ZNF74: variants seen among roughly 807,000 people sequenced by gnomAD.
ZNF74 encodes the protein zinc finger protein 520.
A neutral mutation model predicts 17.7 loss-of-function variants in ZNF74; 12 were observed. That is an observed-to-expected ratio of 0.68 (90% CI 0.43 to 1.10). The LOEUF (loss-of-function observed/expected upper bound fraction) is 1.10, where lower values mean the gene tolerates loss of function less well. Among genes scored for constraint, ZNF74 ranks in the 50% least tolerant of loss-of-function variants. ZNF74 has a pLI of 0.00. For synonymous variants in ZNF74, 358 were observed against 362.1 expected (o/e 0.99, Z 0.13); for missense variants, 811 against 881.0 (o/e 0.92, Z 1.01).
chr22:20,401,257 C>T lies in ZNF74; in HGVS notation c.248-20C>T, dbSNP rs766720339. 4.4e-6 allele frequency: 7 copies of T among 1,580,406 alleles called. No homozygotes were observed. Among genetic ancestry groups the T allele is most frequent in the Non-Finnish European group, 8.7e-7 (1 of 1,153,954 alleles). On this transcript the variant is annotated intron_variant, in intron 3 of 4. Coordinates refer to ENST00000400451, the MANE Select transcript of ZNF74 (RefSeq NM_003426.4). This position sits in a 1 kb window ranked among gnomAD's most constrained non-coding sequence, Gnocchi z 4.2. ...CTGGAGAGCTGCAGCATGCCCAGCC[C>T]ACTTTCTCTCCACGAGCAGGACCTC...
intron 1 of ZNF74, 121 bp from the exon 2 acceptor site, chr22:20,395,212 C>A: frequency 1.5e-6 from 1 of 683,416 alleles, no homozygotes; most frequent in Non-Finnish European, 2.6e-6. Flanking sequence ...GCTCGTTCCC[C>A]ACCTGGCCTT....
intron 2 of ZNF74, 129 bp downstream of exon 2, chr22:20,395,547 A>C (rs972930620): frequency 3.2e-6 from 2 of 631,350 alleles, no homozygotes; most frequent in Non-Finnish European, 5.6e-6. Flanking sequence ...AGCTCTGGGC[A>C]GTGGGAACAG....
Position 20,406,917 on chromosome 22 carries a change from TC to T in ZNF74, c.1890del (p.Arg631GlufsTer84). On this transcript the variant is annotated frameshift_variant, in exon 5 of 5. Transcript: ENST00000400451. LOFTEE classifies it low-confidence loss of function (END_TRUNC). ...ATGTGGCAAAGCTCTTGTGCGTGGT[TC>T]CCCCCAGAGCTGGCAGGAATTTCTC... is the stretch of plus-strand genomic sequence containing the variant. ...LDVAKLLCVV[P>X]PRAGRNFSLG... 2.5e-6 allele frequency: 4 copies of T among 1,613,802 alleles called. No individual in the cohort carries two copies. Among genetic ancestry groups the T allele is most frequent in the Non-Finnish European group, 3.4e-6 (4 of 1,179,974 alleles).
At chr22:20,399,642 C>T (rs1242918395) in intron 2 of ZNF74, 3 of 365,144 alleles carry the variant, frequency 8.2e-6, no homozygotes, top group South Asian at 6.0e-5. Flanking sequence ...GCAATCTTGG[C>T]TCACTGCAAC....
At position 20,401,486 on chromosome 22, in the gene ZNF74, G is replaced by A; in HGVS notation, c.343+114G>A. On this transcript the variant is annotated intron_variant, in intron 4 of 4. Coordinates refer to ENST00000400451, the MANE Select transcript of ZNF74 (RefSeq NM_003426.4). This position sits in a 1 kb window ranked among gnomAD's most constrained non-coding sequence, Gnocchi z 4.2. ...CCCCGGCTCCATCTCCCCTTTTCAG[G>A]TCCCCCGCCAGACCCTCCTGCCTGC... The A allele has an allele frequency of 1.4e-6, 1 of 702,050 alleles. No individual in the cohort carries two copies. Among genetic ancestry groups the A allele is most frequent in the Admixed American group, 2.4e-5 (1 of 41,504 alleles). The allele number at this position is 702,050 out of a possible 1,614,324, so 43.5% of individuals were successfully genotyped here.
Position 20,394,421 on chromosome 22 carries a change from C to A in ZNF74, c.-208C>A. ...TGAGCCTGGTGTGGGGAGTGGGTAT[C>A]TGCGGAGCCGGCCTGAACCCCACCT... On this transcript the variant is annotated 5_prime_UTR_variant, in exon 1 of 5. In the 5' UTR this introduces an upstream ATG that the reference lacks. Coordinates refer to ENST00000400451, the MANE Select transcript of ZNF74 (RefSeq NM_003426.4). 1 of 635,808 alleles carries A rather than the reference C, an allele frequency of 1.6e-6. No individual in the cohort carries two copies. Among genetic ancestry groups the A allele is most frequent in the South Asian group, 1.7e-5 (1 of 57,566 alleles). The allele number at this position is 635,808 out of a possible 1,614,324, so 39.4% of individuals were successfully genotyped here. A position where few individuals can be genotyped will look rare whatever the true frequency, so the allele number is the denominator to read the frequency against.
At chr22:20,400,203 T>G (rs2052341636) in intron 2 of ZNF74, 1 of 178,536 alleles carries the variant, frequency 5.6e-6, no homozygotes, top group Non-Finnish European at 1.2e-5. Flanking sequence ...TGGGATCGGA[T>G]CCTTTTGCGT....
At chr22:20,394,846 TG>T (rs2052274467) in intron 1 of ZNF74, 184 bp downstream of exon 1, 2 of 597,696 alleles carry the variant, frequency 3.3e-6, no homozygotes, top group African/African-American at 3.8e-5. Flanking sequence ...CTGCAACCTC[TG>T]CTTCCCGGGT....
chr22:20,400,857 A>G (rs2052349661), intron 3 of ZNF74, 99 bp downstream of exon 3: 2 of 1,429,126 alleles, frequency 1.4e-6, no homozygotes, highest in East Asian at 4.6e-5. Context: ...CTGGTGCCAG[A>G]TATATCATGG....
Position 20,400,714 on chromosome 22 carries a change from AC to A in ZNF74, c.205del (p.Arg69GlyfsTer3). Reference protein sequence around the residue: ...GQLDSPQRALYRDVMLENYQN... With the variant: ...GQLDSPQRALXRDVMLENYQN... The stretch of plus-strand genomic sequence containing the variant: ...CTAGACTCCCCTCAGAGGGCCTTGT[AC>A]CGGGATGTGATGTTGGAGAACTACC... On this transcript the variant is annotated frameshift_variant, in exon 3 of 5. Coordinates refer to ENST00000400451, the MANE Select transcript of ZNF74 (RefSeq NM_003426.4). LOFTEE classifies it high-confidence loss of function. The A allele has an allele frequency of 6.2e-7, 1 of 1,614,120 alleles. No individual in the cohort carries two copies. The highest frequency in any genetic ancestry group is 8.5e-7 in the Non-Finnish European group (1 of 1,180,016).
chr22:20,400,190 G>C (rs1463122435), intron 2 of ZNF74: 1 of 177,640 alleles, frequency 5.6e-6, no homozygotes. Context: ...ACAGTTTCTA[G>C]TCTGGGATCG....
At chr22:20,395,240 CCT>C in intron 1 of ZNF74, 91 bp from the exon 2 acceptor site, 2 of 943,036 alleles carry the variant, frequency 2.1e-6, no homozygotes, top group South Asian at 1.6e-5. Context: ...GGTTCTGCCT[CCT>C]CTCTGATTCT....
chr22:20,402,801 CA>C (rs361884), intron 4 of ZNF74, among the ~76,000 whole-genome samples: 35,004 of 107,016 alleles, frequency 0.33, 5,221 homozygotes, highest in Middle Eastern at 0.45. Flanking sequence ...AATTCCATCT[CA>C]AAAAAAAAAA....
Position 20,407,042 on chromosome 22 carries a change from C to T in ZNF74, c.*74C>T. ...GAAAGCACCCTGGTCCTCCCTGGCT[C>T]CTAGATCCAGACCACCTTCCTCCAG... is the stretch of plus-strand genomic sequence containing the variant. On this transcript the variant is annotated 3_prime_UTR_variant, in exon 5 of 5. Coordinates refer to ENST00000400451, the MANE Select transcript of ZNF74 (RefSeq NM_003426.4). The T allele has an allele frequency of 6.7e-7, 1 of 1,493,020 alleles. No individual in the cohort carries two copies. The highest frequency in any genetic ancestry group is 8.9e-7 in the Non-Finnish European group (1 of 1,121,430). 92.5% of individuals were successfully genotyped at this position (1,493,020 alleles called of 1,614,324 possible).
At chr22:20,396,167 T>TG (rs1491122799) in intron 2 of ZNF74, among the ~76,000 whole-genome samples, 2 of 148,450 alleles carry the variant, frequency 1.3e-5, no homozygotes, top group African/African-American at 5.0e-5. Flanking sequence ...TTTGGGTTTT[T>TG]GTTTTTTTTT....
rs1200509033 is a variant in ZNF74 at position 20,407,700 on chromosome 22, T to C, written c.*732T>C. ...ACTAGCATCACTTTCCAGTGAACATTATTATATTGCTAGAGAGGAGAATAA... is the reference window on the plus strand; with the variant it reads ...ACTAGCATCACTTTCCAGTGAACATCATTATATTGCTAGAGAGGAGAATAA... On this transcript the variant is annotated 3_prime_UTR_variant, in exon 5 of 5. Transcript: ENST00000400451. 6.6e-6 allele frequency: 1 copy of C among 152,244 alleles called. No individual in the cohort carries two copies. Among genetic ancestry groups the C allele is most frequent in the Non-Finnish European group, 1.5e-5 (1 of 68,046 alleles). The allele number at this position is 152,244 out of a possible 1,614,324, so 9.4% of individuals were successfully genotyped here.
At chr22:20,397,111 C>T (rs999430149) in intron 2 of ZNF74, among the ~76,000 whole-genome samples, 2 of 150,260 alleles carry the variant, frequency 1.3e-5, no homozygotes, top group South Asian at 4.2e-4. Context: ...GAGTCTTGCT[C>T]TGTCGCCCAG....
chr22:20,400,528 C>T (rs1471029631), intron 2 of ZNF74, 104 bp from the exon 3 acceptor site: 1 of 1,439,874 alleles, frequency 6.9e-7, no homozygotes, highest in African/African-American at 1.4e-5. Context: ...GAGAAGGTCA[C>T]CTGAGGTTAA....
intron 2 of ZNF74, among the ~76,000 whole-genome samples, chr22:20,396,340 A>G (rs1462484043): frequency 6.6e-6 from 1 of 152,082 alleles, no homozygotes; most frequent in African/African-American, 2.4e-5. Context: ...AATGCAATGC[A>G]TGTTCCTTGC....
Sources: gnomAD v4.1 joint callset for allele counts (sites outside exome capture counted in the v4.1 genomes callset) on GRCh38, gnomAD v4.1.1 for gene constraint, Gnocchi (gnomAD v3.1) non-coding constraint, MANE v1.5 for transcripts, NCBI Gene and HGNC (gene_info 2026-07-23, HGNC 2026-07-21) for gene names.